Variants in TBC1D15 observed in about 807,000 individuals in gnomAD.
The protein encoded by TBC1D15 is TBC1 domain family member 15, also known as GAP for RAB7.
TBC1D15 carries 39 observed loss-of-function variants against 95.4 expected under a neutral mutation model. The observed-to-expected ratio is 0.41, with a 90% CI of 0.32 to 0.53. TBC1D15 has a LOEUF of 0.53. Among genes scored for constraint, TBC1D15 ranks in the 20% least tolerant of loss-of-function variants. The probability of loss-of-function intolerance (pLI) is 0.29; values close to 1 mark genes in which losing one functional copy is unlikely to be tolerated. For missense variants in TBC1D15, 733 were observed against 794.3 expected (o/e 0.92, Z 0.93); for synonymous variants, 258 against 261.3 (o/e 0.99, Z 0.12).
At chr12:71,849,216 G>T in intron 1 of TBC1D15, 12 of 443,714 alleles carry the variant, frequency 2.7e-5, no homozygotes, top group Non-Finnish European at 3.7e-5. Flanking sequence ...CCATAGGGTT[G>T]TTCCTCATGG....
intron 3 of TBC1D15, among the ~76,000 whole-genome samples, chr12:71,876,787 A>ATTTT (rs200390829): frequency 2.9e-5 from 4 of 136,170 alleles, no homozygotes; most frequent in Admixed American, 7.3e-5. Flanking sequence ...TTTCCCGTGG[A>ATTTT]TTTTTTTTTT....
intron 1 of TBC1D15, among the ~76,000 whole-genome samples, chr12:71,856,242 T>C (rs1889035282): frequency 6.6e-6 from 1 of 152,194 alleles, no homozygotes; most frequent in South Asian, 2.1e-4. Flanking sequence ...ATTAGTAAGT[T>C]GTTAGGCTTG....
At chr12:71,894,342 A>G in intron 6 of TBC1D15, 1 of 1,612,986 alleles carries the variant, frequency 6.2e-7, no homozygotes, top group Non-Finnish European at 8.5e-7. Context: ...TGCTAGACAG[A>G]AGAAAGCTGT....
At chr12:71,868,576 C>T (rs1298996232) in intron 1 of TBC1D15, among the ~76,000 whole-genome samples, 2 of 151,988 alleles carry the variant, frequency 1.3e-5, no homozygotes, top group African/African-American at 4.8e-5. Flanking sequence ...GTGTCTGTCA[C>T]TTTAATTCTT....
At chr12:71,882,984 ACTC>A (rs1221774328) in intron 4 of TBC1D15, among the ~76,000 whole-genome samples, 1 of 151,950 alleles carries the variant, frequency 6.6e-6, no homozygotes, top group Non-Finnish European at 1.5e-5. Context: ...ATATGCATAA[ACTC>A]CTGATAATTC....
At chr12:71,867,524 A>T (rs1891747646) in intron 1 of TBC1D15, among the ~76,000 whole-genome samples, 3 of 152,254 alleles carry the variant, frequency 2.0e-5, no homozygotes, top group Admixed American at 2.0e-4. Context: ...AAGGTGCTAC[A>T]GGTTGATTAT....
intron 4 of TBC1D15, among the ~76,000 whole-genome samples, chr12:71,881,349 T>C (rs544982340): frequency 7.2e-4 from 109 of 152,308 alleles, no homozygotes; most frequent in African/African-American, 2.5e-3. Flanking sequence ...TTTACATGAA[T>C]GAGAAAAGCA....
Position 71,920,747 on chromosome 12 carries a change from T to A in TBC1D15, c.1616T>A (p.Leu539Gln). Reference sequence around the variant, plus strand: ...CTTCTATAGGTAATGTGGACCGAACTACCATGTACAAATTTCCATCTTCTT... The same window carrying A: ...CTTCTATAGGTAATGTGGACCGAACAACCATGTACAAATTTCCATCTTCTT... ...LRLWEVMWTE[L>Q]PCTNFHLLLC... Residue 539 changes from leucine (L) to glutamine (Q), a missense_variant, in exon 15 of 17, where the codon CTA becomes CAA. Coordinates refer to ENST00000485960, the MANE Select transcript of TBC1D15 (RefSeq NM_001146213.3). 1 of 1,612,324 alleles carries A rather than the reference T, an allele frequency of 6.2e-7. No individual in the cohort carries two copies. Among genetic ancestry groups the A allele is most frequent in the East Asian group, 2.2e-5 (1 of 44,754 alleles).
chr12:71,877,317 G>A (rs1046357266), intron 3 of TBC1D15, among the ~76,000 whole-genome samples: 2 of 147,454 alleles, frequency 1.4e-5, no homozygotes, highest in African/African-American at 5.0e-5. Flanking sequence ...TTAATACATT[G>A]TGCTGGGTAC....
At chr12:71,920,545 A>T (rs942688955) in intron 14 of TBC1D15, among the ~76,000 whole-genome samples, 186 bp from the exon 15 acceptor site, 6 of 152,160 alleles carry the variant, frequency 3.9e-5, no homozygotes, top group South Asian at 4.1e-4. Context: ...AAACTCGATG[A>T]TAGTTACTTT....
chr12:71,872,914 A>G lies in TBC1D15; in HGVS notation c.130-15A>G. 6.4e-7 allele frequency: 1 copy of G among 1,572,308 alleles called. No individual in the cohort carries two copies. The highest frequency in any genetic ancestry group is 8.7e-7 in the Non-Finnish European group (1 of 1,153,814). On this transcript the variant is annotated splice_polypyrimidine_tract_variant and intron_variant, in intron 2 of 16. Coordinates refer to ENST00000485960, the MANE Select transcript of TBC1D15 (RefSeq NM_001146213.3). Reference sequence around the variant, plus strand: ...TTGCTGAATATTAAATATAGTTCATAATTTCTTTCTCTAGGATGCCGAAGT... The same window carrying G: ...TTGCTGAATATTAAATATAGTTCATGATTTCTTTCTCTAGGATGCCGAAGT...
chr12:71,879,385 T>G (rs1894670207), intron 3 of TBC1D15, among the ~76,000 whole-genome samples: 2 of 152,208 alleles, frequency 1.3e-5, no homozygotes, highest in African/African-American at 4.8e-5. Flanking sequence ...TCCACCCGCT[T>G]CGGTCTCCCA....
chr12:71,912,748 A>C (rs1286531310), intron 11 of TBC1D15, among the ~76,000 whole-genome samples: 3 of 152,246 alleles, frequency 2.0e-5, no homozygotes, highest in Admixed American at 2.0e-4. Flanking sequence ...TTGGATTCGC[A>C]AATGAAAGAC....
intron 10 of TBC1D15, among the ~76,000 whole-genome samples, chr12:71,902,510 A>G (rs1303547498): frequency 1.3e-5 from 2 of 152,232 alleles, no homozygotes; most frequent in Non-Finnish European, 2.9e-5. Flanking sequence ...TGTTCCTGGG[A>G]TAACTGGCTA....
intron 5 of TBC1D15, among the ~76,000 whole-genome samples, chr12:71,889,875 AAGTG>A (rs1896909856): frequency 1.3e-5 from 2 of 152,154 alleles, no homozygotes; most frequent in Admixed American, 1.3e-4. Flanking sequence ...TCCCGCTTAT[AAGTG>A]AGAACATGTA....
chr12:71,845,418 T>G (rs1886047110), intron 1 of TBC1D15, among the ~76,000 whole-genome samples: 1 of 152,174 alleles, frequency 6.6e-6, no homozygotes, highest in South Asian at 2.1e-4. Flanking sequence ...TTCGAGGGAC[T>G]TAGGTTATAG....
chr12:71,900,928 A>G (rs1426677498), intron 10 of TBC1D15, among the ~76,000 whole-genome samples: 3 of 152,182 alleles, frequency 2.0e-5, no homozygotes, highest in Non-Finnish European at 4.4e-5. Context: ...AGCCCTAGCC[A>G]GAGCAATCAG....
At chr12:71,852,932 T>A (rs1433993892) in intron 1 of TBC1D15, among the ~76,000 whole-genome samples, 1 of 152,220 alleles carries the variant, frequency 6.6e-6, no homozygotes, top group Admixed American at 6.5e-5. Context: ...CTCTGTCTGT[T>A]ACCCACTTCC....
chr12:71,917,558 GGTTA>G, intron 12 of TBC1D15, 136 bp from the exon 13 acceptor site: 1 of 487,064 alleles, frequency 2.1e-6, no homozygotes, highest in South Asian at 4.3e-5. Flanking sequence ...TTAGATTTTT[GGTTA>G]GTTACGCATT....
Sources: allele counts gnomAD v4.1 joint callset (sites outside exome capture counted in the v4.1 genomes callset), GRCh38; gene constraint gnomAD v4.1.1; transcripts MANE v1.5; gene names NCBI Gene and HGNC (gene_info 2026-07-23, HGNC 2026-07-21).